Variants in IL1RL2 observed in about 807,000 individuals in gnomAD.
IL1RL2 encodes interleukin 1 receptor like 2.
A neutral mutation model predicts 66.8 loss-of-function variants in IL1RL2; 68 were observed. That is an observed-to-expected ratio of 1.02 (90% CI 0.84 to 1.25). IL1RL2 has a LOEUF of 1.25. Among genes scored for constraint, IL1RL2 ranks in the 50% most tolerant of loss-of-function variants. The pLI, the probability that IL1RL2 is intolerant of heterozygous loss-of-function variation, is 0.00. For synonymous variants in IL1RL2, 305 were observed against 264.6 expected, an observed-to-expected ratio of 1.15 and a Z score of -1.48; for missense variants, 729 against 709.3, an observed-to-expected ratio of 1.03 and a Z score of -0.32.
intron 10 of IL1RL2, among the ~76,000 whole-genome samples, chr2:102,234,680 A>G (rs549991612): frequency 6.6e-6 from 1 of 152,184 alleles, no homozygotes; most frequent in South Asian, 2.1e-4. Flanking sequence ...CCAGGTACTT[A>G]GGAGGCTGAG....
downstream of IL1RL2, among the ~76,000 whole-genome samples, chr2:102,242,951 T>C (rs1036244796): frequency 2.6e-5 from 4 of 152,246 alleles, no homozygotes; most frequent in African/African-American, 7.2e-5. Context: ...ATTTGATGCA[T>C]TCTTCCAAAT....
chr2:102,190,014 A>G (rs1375628797), intron 3 of IL1RL2, among the ~76,000 whole-genome samples: 1 of 152,194 alleles, frequency 6.6e-6, no homozygotes, highest in Non-Finnish European at 1.5e-5. Flanking sequence ...GATAGGAATG[A>G]GCCTCCTATG....
At chr2:102,241,867 T>A (rs1003350490), downstream of IL1RL2, among the ~76,000 whole-genome samples, 2 of 152,238 alleles carry the variant, frequency 1.3e-5, no homozygotes, top group Non-Finnish European at 2.9e-5. Flanking sequence ...GGTAGCATTG[T>A]TATGTTTCTA....
chr2:102,199,457 C>T (rs1688050290), intron 4 of IL1RL2, among the ~76,000 whole-genome samples: 1 of 152,164 alleles, frequency 6.6e-6, no homozygotes, highest in Non-Finnish European at 1.5e-5. Flanking sequence ...ATTGTACATG[C>T]TGGGTCAGGA....
intron 8 of IL1RL2, among the ~76,000 whole-genome samples, chr2:102,221,890 A>G (rs1690171152): frequency 6.6e-6 from 1 of 152,226 alleles, no homozygotes; most frequent in Non-Finnish European, 1.5e-5. Context: ...ATATGCACAT[A>G]TATGGTAAAG....
chr2:102,223,325 C>G (rs1375701769), intron 8 of IL1RL2, among the ~76,000 whole-genome samples: 1 of 152,132 alleles, frequency 6.6e-6, no homozygotes. Flanking sequence ...AGATTTGAAT[C>G]TTATTTGGTT....
In IL1RL2 at chr2:102,219,973, G is replaced by A; in HGVS notation, c.947G>A (p.Cys316Tyr). 6.2e-7 allele frequency: 1 copy of A among 1,613,878 alleles called. No homozygotes were observed. The highest frequency in any genetic ancestry group is 1.1e-5 in the South Asian group (1 of 91,070). ...KMEDYGLPFM[C>Y]HAGVSTAYII... ...GAAGATTATGGCCTTCCTTTCATGT[G>A]CCACGCTGGAGTGTCCACAGCATAC... Residue 316 changes from cysteine to tyrosine, a missense_variant, in exon 8 of 12, where the codon TGC (cysteine) becomes TAC (tyrosine). Physicochemically the swap from Cys to Tyr is radical, Grantham distance 194. Coordinates refer to ENST00000264257, the MANE Select transcript of IL1RL2 (RefSeq NM_003854.4).
At chr2:102,217,049 A>G (rs995829135) in intron 6 of IL1RL2, among the ~76,000 whole-genome samples, 1 of 152,156 alleles carries the variant, frequency 6.6e-6, no homozygotes, top group Non-Finnish European at 1.5e-5. Flanking sequence ...TTTTGAATTT[A>G]TCTCTACTGG....
intron 7 of IL1RL2, among the ~76,000 whole-genome samples, chr2:102,219,574 C>T (rs1277188676): frequency 8.5e-5 from 13 of 152,166 alleles, no homozygotes; most frequent in East Asian, 7.7e-4. Flanking sequence ...GGCAGGAGAG[C>T]TTGTGTTGGG....
intron 4 of IL1RL2, 112 bp from the exon 5 acceptor site, chr2:102,201,444 A>T (rs924663291): frequency 3.8e-5 from 34 of 887,116 alleles, no homozygotes; most frequent in African/African-American, 3.5e-4. Context: ...CTATTTACCT[A>T]GCTAGCTAGC....
rs376417306 is a variant in IL1RL2 at position 102,201,696 on chromosome 2, T to C, written c.630T>C (p.Asn210=). The C allele has an allele frequency of 5.9e-5, 95 of 1,613,760 alleles. No individual in the cohort carries two copies. The highest frequency in any genetic ancestry group is 7.8e-5 in the Non-Finnish European group (92 of 1,179,918). ...CAGGGAAGCAGTACGAGGTTTTAAA[T>C]GGCATCACTGTGAGCATTAGTAAGT... ...THSGKQYEVL[N]GITVSITERA... Residue 210 remains asparagine, a synonymous_variant, in exon 5 of 12, where the codon AAT becomes AAC. Transcript: ENST00000264257.
downstream of IL1RL2, among the ~76,000 whole-genome samples, chr2:102,240,442 G>C (rs182031852): frequency 3.6e-4 from 48 of 132,152 alleles, no homozygotes; most frequent in African/African-American, 1.3e-3. Context: ...ATGAGCCACC[G>C]AGCCCGGTCA....
rs374760103 is a variant in IL1RL2 at position 102,239,196 on chromosome 2, A to G, written c.1683A>G (p.Pro561=). 1.2e-6 allele frequency: 2 copies of G among 1,613,872 alleles called. No homozygotes were observed. Among genetic ancestry groups the G allele is most frequent in the African/African-American group, 2.7e-5 (2 of 74,938 alleles). Residue 561 remains proline, a synonymous_variant, in exon 12 of 12, where the codon CCA becomes CCG. Coordinates refer to ENST00000264257, the MANE Select transcript of IL1RL2 (RefSeq NM_003854.4). ...QHTPCYRTAG[P]ELGSRRKKCT... ...ATAGATCTTTCCTGATTTCAGGCCCAGAACTAGGCTCAAGAAGAAAGAAGT... is the reference window on the plus strand; with the variant it reads ...ATAGATCTTTCCTGATTTCAGGCCCGGAACTAGGCTCAAGAAGAAAGAAGT...
intron 3 of IL1RL2, 149 bp from the exon 4 acceptor site, chr2:102,191,776 G>T (rs1687250987): frequency 1.0e-5 from 6 of 585,620 alleles, no homozygotes; most frequent in South Asian, 8.9e-5. Context: ...CTTTTGTGAT[G>T]AATCATTTGT....
At chr2:102,210,001 G>C (rs1426585208) in intron 5 of IL1RL2, among the ~76,000 whole-genome samples, 1 of 152,070 alleles carries the variant, frequency 6.6e-6, no homozygotes, top group African/African-American at 2.4e-5. Context: ...AGAATAATCA[G>C]ATAATTCACT....
chr2:102,216,033 C>T (rs970195184), intron 6 of IL1RL2, among the ~76,000 whole-genome samples: 5 of 151,968 alleles, frequency 3.3e-5, no homozygotes, highest in African/African-American at 1.2e-4. Flanking sequence ...CAGTAACAAA[C>T]CTCAAAGAAA....
chr2:102,199,694 T>C (rs1348329974), intron 4 of IL1RL2, among the ~76,000 whole-genome samples: 1 of 152,200 alleles, frequency 6.6e-6, no homozygotes, highest in Non-Finnish European at 1.5e-5. Context: ...AAGGCTGAAC[T>C]TTAAGATGAT....
At chr2:102,230,725 G>A (rs1333039091) in intron 9 of IL1RL2, among the ~76,000 whole-genome samples, 1 of 152,200 alleles carries the variant, frequency 6.6e-6, no homozygotes, top group African/African-American at 2.4e-5. Flanking sequence ...ATGACTACAT[G>A]TGCAAGCATG....
At chr2:102,201,086 G>A (rs552152683) in intron 4 of IL1RL2, among the ~76,000 whole-genome samples, 8 of 152,190 alleles carry the variant, frequency 5.3e-5, no homozygotes, top group African/African-American at 1.9e-4. Flanking sequence ...AGGGTCTTGG[G>A]CCATTAAGCG....
Sources: allele counts gnomAD v4.1 joint callset (sites outside exome capture counted in the v4.1 genomes callset), GRCh38; gene constraint gnomAD v4.1.1; transcripts MANE v1.5; gene names NCBI Gene and HGNC (gene_info 2026-07-23, HGNC 2026-07-21).